The following RPS6KC1 variants were observed in gnomAD, a reference collection of about 807,000 sequenced individuals.
The protein encoded by RPS6KC1 is ribosomal protein S6 kinase C1.
RPS6KC1 carries 54 observed loss-of-function variants against 103.8 expected under a neutral mutation model. That is an observed-to-expected ratio of 0.52 (90% CI 0.42 to 0.65). RPS6KC1 has a LOEUF of 0.65. RPS6KC1 is among the 30% of genes least tolerant of loss of function. RPS6KC1 has a pLI of 0.00. For synonymous variants in RPS6KC1, 439 were observed against 438.7 expected (o/e 1.00, Z -0.01); for missense variants, 1,151 against 1,253.8 (o/e 0.92, Z 1.24).
chr1:213,052,743 TG>T (rs1272024584), intron 1 of RPS6KC1, among the ~76,000 whole-genome samples: 1 of 152,128 alleles, frequency 6.6e-6, no homozygotes, highest in African/African-American at 2.4e-5. Flanking sequence ...GGTTTCTGCA[TG>T]TTGCTCAGGC....
At chr1:213,256,885 C>T (rs2094657721) in intron 12 of RPS6KC1, among the ~76,000 whole-genome samples, 1 of 152,192 alleles carries the variant, frequency 6.6e-6, no homozygotes, top group Non-Finnish European at 1.5e-5. Flanking sequence ...TGAAGTGCCT[C>T]TCAAATTTTT....
At chr1:213,739,824 GATTCAAAAGT>G in the RPS6KC1 span, among the ~76,000 whole-genome samples, 3 of 152,138 alleles carry the variant, frequency 2.0e-5, no homozygotes, top group African/African-American at 7.2e-5. Flanking sequence ...GGTACGCAAA[GATTCAAAAGT>G]ATGCCCCCCG....
chr1:213,813,916 T>G, the RPS6KC1 span, among the ~76,000 whole-genome samples: 1 of 152,194 alleles, frequency 6.6e-6, no homozygotes, highest in Non-Finnish European at 1.5e-5. Context: ...AAGTTTTACA[T>G]AGATTGTATG....
chr1:213,333,165 G>A, the RPS6KC1 span, among the ~76,000 whole-genome samples: 2 of 152,144 alleles, frequency 1.3e-5, no homozygotes, highest in Non-Finnish European at 2.9e-5. Context: ...AGCTATTCCG[G>A]CATTTCTCTT....
chr1:213,681,994 T>C, the RPS6KC1 span, among the ~76,000 whole-genome samples: 1 of 152,206 alleles, frequency 6.6e-6, no homozygotes, highest in Non-Finnish European at 1.5e-5. Flanking sequence ...TAAGCCATAC[T>C]GTGGCCAAAC....
the RPS6KC1 span, among the ~76,000 whole-genome samples, chr1:213,519,937 G>A: frequency 6.6e-6 from 1 of 152,194 alleles, no homozygotes; most frequent in Non-Finnish European, 1.5e-5. Context: ...CCACACTGCA[G>A]ATGAGAATAC....
the RPS6KC1 span, among the ~76,000 whole-genome samples, chr1:213,508,956 C>T: frequency 6.6e-6 from 1 of 152,102 alleles, no homozygotes; most frequent in Admixed American, 6.5e-5. Flanking sequence ...GTAGAACCTC[C>T]CAGGTGGGTT....
the RPS6KC1 span, among the ~76,000 whole-genome samples, chr1:213,398,043 CT>C: frequency 6.6e-6 from 1 of 151,222 alleles, no homozygotes; most frequent in East Asian, 1.9e-4. Context: ...TTTTTTCTTT[CT>C]TTTTTGAGAT....
At chr1:213,583,308 T>G in the RPS6KC1 span, among the ~76,000 whole-genome samples, 1 of 152,304 alleles carries the variant, frequency 6.6e-6, no homozygotes, top group East Asian at 1.9e-4. Flanking sequence ...TAGTAAGTGT[T>G]TGTTTAGTTT....
chr1:213,655,558 A>G, the RPS6KC1 span, among the ~76,000 whole-genome samples: 5 of 152,356 alleles, frequency 3.3e-5, no homozygotes, highest in South Asian at 4.1e-4. Flanking sequence ...GACCAAGTTT[A>G]CCTGATGGAG....
the RPS6KC1 span, among the ~76,000 whole-genome samples, chr1:213,292,860 C>T: frequency 6.6e-6 from 1 of 152,128 alleles, no homozygotes; most frequent in Admixed American, 6.5e-5. Flanking sequence ...GAGGGCTCCC[C>T]CACAATGTTT....
the RPS6KC1 span, among the ~76,000 whole-genome samples, chr1:213,858,619 G>A: frequency 2.0e-5 from 3 of 152,172 alleles, no homozygotes; most frequent in South Asian, 2.1e-4. Flanking sequence ...TTTTGCCTCT[G>A]AGGCAACAGC....
intron 3 of RPS6KC1, among the ~76,000 whole-genome samples, chr1:213,091,405 T>C (rs1453951188): frequency 6.6e-6 from 1 of 152,174 alleles, no homozygotes; most frequent in Non-Finnish European, 1.5e-5. Context: ...AAAGGTATTC[T>C]TTGATACACC....
chr1:213,466,855 A>G, the RPS6KC1 span, among the ~76,000 whole-genome samples: 1 of 152,102 alleles, frequency 6.6e-6, no homozygotes, highest in Non-Finnish European at 1.5e-5. Context: ...TCATATGTGA[A>G]GATGTCCAGT....
intron 1 of RPS6KC1, among the ~76,000 whole-genome samples, chr1:213,060,349 T>G (rs1415349807): frequency 1.3e-5 from 2 of 152,190 alleles, no homozygotes; most frequent in East Asian, 3.8e-4. Flanking sequence ...AATAAATACT[T>G]AGTTTTGGCT....
At chr1:213,116,462 G>A (rs1285420182) in intron 4 of RPS6KC1, among the ~76,000 whole-genome samples, 7 of 53,156 alleles carry the variant, frequency 1.3e-4, no homozygotes, top group Admixed American at 2.3e-4. Flanking sequence ...ACGTGAGATG[G>A]GTTTCCTGAA....
chr1:213,857,463 C>A, the RPS6KC1 span, among the ~76,000 whole-genome samples: 1 of 152,210 alleles, frequency 6.6e-6, no homozygotes, highest in African/African-American at 2.4e-5. Context: ...TTACTCCTTT[C>A]TTCTTTTCAC....
At chr1:213,361,796 C>T in the RPS6KC1 span, among the ~76,000 whole-genome samples, 4 of 152,144 alleles carry the variant, frequency 2.6e-5, 1 homozygote, top group South Asian at 8.3e-4. Context: ...TTGGAGAGGG[C>T]GTTTTCTTCT....
intron 10 of RPS6KC1, among the ~76,000 whole-genome samples, chr1:213,237,332 T>TA (rs1280570540): frequency 1.3e-5 from 2 of 152,088 alleles, no homozygotes; most frequent in Non-Finnish European, 2.9e-5. Flanking sequence ...ATCTGTAAAA[T>TA]AGAGATAATA....
Sources: gnomAD v4.1 joint callset for allele counts (sites outside exome capture counted in the v4.1 genomes callset) on GRCh38, gnomAD v4.1.1 for gene constraint, MANE v1.5 for transcripts, NCBI Gene and HGNC (gene_info 2026-07-23, HGNC 2026-07-21) for gene names.